The following ANKRD30BL variants were observed in gnomAD, a reference collection of about 807,000 sequenced individuals.
The protein encoded by ANKRD30BL is ankyrin repeat domain 30B like, also known as putative ankyrin repeat domain-containing protein 30B-like.
Under a neutral mutation model 18.4 loss-of-function variants are expected in ANKRD30BL, and 20 were observed. That is an observed-to-expected ratio of 1.09 (90% CI 0.77 to 1.58). The LOEUF is 1.58. ANKRD30BL is among the 40% of genes most tolerant of loss of function. The pLI is 0.00. For missense variants in ANKRD30BL, 224 were observed against 268.6 expected, an observed-to-expected ratio of 0.83 and a Z score of 1.16; for synonymous variants, 72 against 100.9, an observed-to-expected ratio of 0.71 and a Z score of 1.72.
chr2:132,256,428 C>G lies in ANKRD30BL; in HGVS notation n.441+1101G>C, dbSNP rs1344180928. Among the ~76,000 whole-genome samples the G allele has an allele frequency of 4.6e-5, 7 of 152,302 alleles. No individual in the cohort carries two copies. The East Asian group carries it at 1.4e-3, about 30-fold the overall frequency. On this transcript the variant is annotated intron_variant and non_coding_transcript_variant, in intron 1 of 4. Coordinates refer to the ANKRD30BL transcript ENST00000470729. ...CCCATGTGCGAGGAGGCCGACCGCC[C>G]GACCCGTGTGCGGCAGCCGCGAGGG...
intron 1 of ANKRD30BL, among the ~76,000 whole-genome samples, chr2:132,245,410 G>A (rs566733299): frequency 7.9e-3 from 391 of 49,758 alleles, no homozygotes; most frequent in Non-Finnish European, 0.014. Flanking sequence ...CATTTGGAGC[G>A]CTTTGAGGCC....
At chr2:132,175,748 G>A (rs551090980) in intron 1 of ANKRD30BL, among the ~76,000 whole-genome samples, 2 of 152,324 alleles carry the variant, frequency 1.3e-5, no homozygotes, top group South Asian at 2.1e-4. Flanking sequence ...CTGGTTTATC[G>A]AGACTAGAGA....
At chr2:132,236,274 C>A (rs1263224383) in intron 1 of ANKRD30BL, among the ~76,000 whole-genome samples, 2 of 152,080 alleles carry the variant, frequency 1.3e-5, no homozygotes, top group Non-Finnish European at 2.9e-5. Flanking sequence ...AGGACATAGG[C>A]ATGGGCAAGG....
chr2:132,150,660 G>A (rs773928054), intron 5 of ANKRD30BL, among the ~76,000 whole-genome samples: 3 of 151,172 alleles, frequency 2.0e-5, no homozygotes, highest in Non-Finnish European at 4.4e-5. Context: ...GGATATTAGG[G>A]ACCACAATTA....
chr2:132,235,005 A>C (rs1680115901), intron 1 of ANKRD30BL, among the ~76,000 whole-genome samples: 1 of 152,206 alleles, frequency 6.6e-6, no homozygotes, highest in African/African-American at 2.4e-5. Context: ...AGTGGGCTTC[A>C]TCCCTGGGAT....
At chr2:132,255,256 C>G (rs990901948) in intron 1 of ANKRD30BL, among the ~76,000 whole-genome samples, 1 of 151,394 alleles carries the variant, frequency 6.6e-6, no homozygotes, top group East Asian at 1.9e-4. Context: ...TCACCTCTAG[C>G]GGTGCAATAT....
In ANKRD30BL at chr2:132,222,052, G is replaced by T. The variant is rs868643833; in HGVS notation, n.441+35477C>A. On this transcript the variant is annotated intron_variant and non_coding_transcript_variant, in intron 1 of 4. Coordinates refer to the ANKRD30BL transcript ENST00000470729. ...CTGTCCGGGAGGGAGGCGGGGGGGG[G>T]GGTCGGCCAGCCGCCCCGTCCGGGA... Among the ~76,000 whole-genome samples the T allele has an allele frequency of 4.4e-3, 511 of 116,914 alleles. 8 individuals carry two copies. Among genetic ancestry groups the T allele is most frequent in the Admixed American group, 8.3e-3 (97 of 11,712 alleles). The allele number at this position is 116,914 out of a possible 152,430, so 76.7% of individuals were successfully genotyped here.
At chr2:132,187,801 C>T (rs183849070) in intron 1 of ANKRD30BL, among the ~76,000 whole-genome samples, 150 of 151,034 alleles carry the variant, frequency 9.9e-4, no homozygotes, top group Middle Eastern at 3.4e-3. Flanking sequence ...TCTTGTCGCA[C>T]AGGCTGGAGT....
intron 1 of ANKRD30BL, among the ~76,000 whole-genome samples, chr2:132,248,885 AC>A (rs1680574410): frequency 6.6e-6 from 1 of 151,960 alleles, no homozygotes; most frequent in Non-Finnish European, 1.5e-5. Context: ...GAATGGTTCA[AC>A]TCTGTGAGAT....
intron 4 of ANKRD30BL, among the ~76,000 whole-genome samples, chr2:132,153,334 G>A (rs1358703633): frequency 1.3e-5 from 2 of 152,132 alleles, no homozygotes; most frequent in African/African-American, 2.4e-5. Flanking sequence ...CCAAAATTGT[G>A]ACATTATATT....
chr2:132,198,324 C>CTTTTTT (rs773252461), intron 1 of ANKRD30BL, among the ~76,000 whole-genome samples: 6 of 16,804 alleles, frequency 3.6e-4, no homozygotes, highest in Admixed American at 7.7e-4. Context: ...TTCTTTCTTT[C>CTTTTTT]TTTTTTTTTT....
At chr2:132,184,491 T>C (rs1688530409) in intron 1 of ANKRD30BL, among the ~76,000 whole-genome samples, 1 of 152,214 alleles carries the variant, frequency 6.6e-6, no homozygotes, top group South Asian at 2.1e-4. Context: ...TATATTCAAA[T>C]AATAAACTTT....
At chr2:132,239,912 A>T (rs560807058) in intron 1 of ANKRD30BL, among the ~76,000 whole-genome samples, 13 of 151,406 alleles carry the variant, frequency 8.6e-5, no homozygotes, top group Non-Finnish European at 1.8e-4. Flanking sequence ...ATTTTGAAAC[A>T]CTCTTTTTGT....
chr2:132,149,838 C>T (rs1272195255), intron 5 of ANKRD30BL, among the ~76,000 whole-genome samples: 1 of 152,162 alleles, frequency 6.6e-6, no homozygotes, highest in African/African-American at 2.4e-5. Flanking sequence ...TATAATAATT[C>T]ACTTCCATCT....
intron 1 of ANKRD30BL, among the ~76,000 whole-genome samples, chr2:132,231,424 G>A (rs1314985473): frequency 6.6e-6 from 1 of 152,202 alleles, no homozygotes; most frequent in East Asian, 1.9e-4. Flanking sequence ...TCCATCTGAG[G>A]TGCCAGGTTC....
intron 1 of ANKRD30BL, among the ~76,000 whole-genome samples, chr2:132,236,925 C>T (rs1255563582): frequency 2.6e-5 from 4 of 151,656 alleles, no homozygotes; most frequent in South Asian, 4.2e-4. Context: ...CACATATACA[C>T]CATGGAATAC....
At chr2:132,187,629 A>G (rs911818643) in intron 1 of ANKRD30BL, among the ~76,000 whole-genome samples, 6 of 152,046 alleles carry the variant, frequency 3.9e-5, no homozygotes, top group African/African-American at 2.4e-5. Flanking sequence ...AATTATTAAT[A>G]ATGTTATTTC....
At chr2:132,155,453 A>G (rs1687876678) in intron 3 of ANKRD30BL, 1 of 152,208 alleles carries the variant, frequency 6.6e-6, no homozygotes, top group Non-Finnish European at 1.5e-5. Context: ...CCAAATGCCA[A>G]TGTCAGGCAC....
exon 1 of ANKRD30BL, chr2:132,257,630 C>CA (rs61298621): frequency 0.058 from 10,106 of 174,482 alleles, 350 homozygotes; most frequent in East Asian, 0.11. Flanking sequence ...TCCGGTACCC[C>CA]AAAGGCACAC....
Sources: gnomAD v4.1 joint callset for allele counts (sites outside exome capture counted in the v4.1 genomes callset) on GRCh38, gnomAD v4.1.1 for gene constraint, MANE v1.5 for transcripts, NCBI Gene and HGNC (gene_info 2026-07-23, HGNC 2026-07-21) for gene names.